The following GRIK4 variants were observed in gnomAD, a reference collection of about 807,000 sequenced individuals.
GRIK4 encodes glutamate ionotropic receptor kainate type subunit 4.
A neutral mutation model predicts 104.9 loss-of-function variants in GRIK4; 40 were observed. The ratio of observed to expected loss-of-function variants is 0.38; its 90% CI spans 0.30 to 0.50. The LOEUF is 0.50. Among genes scored for constraint, GRIK4 ranks in the 20% least tolerant of loss-of-function variants. The pLI is 0.93. For synonymous variants in GRIK4, 485 were observed against 524.9 expected, an observed-to-expected ratio of 0.92 and a Z score of 1.04; for missense variants, 1,047 against 1,308.1, an observed-to-expected ratio of 0.80 and a Z score of 3.08.
At chr11:120,834,766 G>A (rs1465901745) in intron 7 of GRIK4, among the ~76,000 whole-genome samples, 2 of 152,200 alleles carry the variant, frequency 1.3e-5, no homozygotes, top group East Asian at 1.9e-4. Flanking sequence ...TTCCAGCAAC[G>A]AACTCCATGT....
intron 11 of GRIK4, among the ~76,000 whole-genome samples, chr11:120,878,633 C>T (rs1424389888): frequency 7.8e-6 from 1 of 128,396 alleles, no homozygotes; most frequent in Non-Finnish European, 1.6e-5. Context: ...CTTTTTTCAA[C>T]AAATCTAGTG....
chr11:120,673,717 C>T (rs563040350), intron 3 of GRIK4, among the ~76,000 whole-genome samples: 12 of 152,312 alleles, frequency 7.9e-5, no homozygotes, highest in Admixed American at 5.2e-4. Context: ...ACCTTTTTGT[C>T]TCAGTCTTGC....
At chr11:120,754,486 A>G (rs574659642) in intron 3 of GRIK4, among the ~76,000 whole-genome samples, 1 of 152,256 alleles carries the variant, frequency 6.6e-6, no homozygotes, top group African/African-American at 2.4e-5. Flanking sequence ...TTATTTGTTA[A>G]TCAGTTCATA....
intron 2 of GRIK4, among the ~76,000 whole-genome samples, chr11:120,657,037 G>A (rs1323740332): frequency 6.6e-6 from 1 of 152,168 alleles, no homozygotes; most frequent in Non-Finnish European, 1.5e-5. Flanking sequence ...AGGCATAAAT[G>A]GAAGGCATTT....
chr11:120,585,277 T>G (rs969027802), intron 1 of GRIK4, among the ~76,000 whole-genome samples: 9 of 152,322 alleles, frequency 5.9e-5, no homozygotes, highest in African/African-American at 2.2e-4. Flanking sequence ...GGTACACACA[T>G]ATCTCTTTGA....
At chr11:120,566,706 GTTT>G (rs538654745) in intron 1 of GRIK4, among the ~76,000 whole-genome samples, 1 of 136,294 alleles carries the variant, frequency 7.3e-6, no homozygotes, top group Admixed American at 7.4e-5. Flanking sequence ...TATACCCTCA[GTTT>G]TTTTTTTTTT....
intron 3 of GRIK4, among the ~76,000 whole-genome samples, chr11:120,731,259 GT>G (rs1304589343): frequency 8.5e-4 from 122 of 142,926 alleles, no homozygotes; most frequent in Middle Eastern, 3.6e-3. Context: ...TTTTTTTTTA[GT>G]TTTTTTTTTT....
chr11:120,644,730 G>A (rs1177948332), intron 1 of GRIK4, among the ~76,000 whole-genome samples: 1 of 152,168 alleles, frequency 6.6e-6, no homozygotes, highest in African/African-American at 2.4e-5. Context: ...CGAAGGGGTT[G>A]CCCTTCCTTG....
chr11:120,911,855 A>G (rs1050919061), intron 13 of GRIK4, among the ~76,000 whole-genome samples: 1 of 151,258 alleles, frequency 6.6e-6, no homozygotes, highest in Non-Finnish European at 1.5e-5. Context: ...AAAAAAAAAA[A>G]AAAGAAAAGA....
chr11:120,753,793 T>G (rs1740914314), intron 3 of GRIK4, among the ~76,000 whole-genome samples: 1 of 152,206 alleles, frequency 6.6e-6, no homozygotes, highest in African/African-American at 2.4e-5. Context: ...ACAGCTGTGC[T>G]GAGATGAATT....
At chr11:120,936,956 C>T (rs1943610275) in intron 13 of GRIK4, among the ~76,000 whole-genome samples, 1 of 152,096 alleles carries the variant, frequency 6.6e-6, no homozygotes, top group Non-Finnish European at 1.5e-5. Context: ...GGTGGAATCA[C>T]AGTCCCAGCC....
At chr11:120,881,373 G>A (rs551617590) in intron 11 of GRIK4, among the ~76,000 whole-genome samples, 1 of 152,230 alleles carries the variant, frequency 6.6e-6, no homozygotes, top group African/African-American at 2.4e-5. Flanking sequence ...TTAGACCTGA[G>A]CCACACTTTC....
At chr11:120,737,452 G>A (rs2135401961) in intron 3 of GRIK4, among the ~76,000 whole-genome samples, 1 of 152,310 alleles carries the variant, frequency 6.6e-6, no homozygotes, top group African/African-American at 2.4e-5. Context: ...GCCTGATCAA[G>A]CCTCAGAATC....
At chr11:120,899,371 A>T (rs1942670797) in intron 12 of GRIK4, among the ~76,000 whole-genome samples, 1 of 147,462 alleles carries the variant, frequency 6.8e-6, no homozygotes, top group Non-Finnish European at 1.5e-5. Flanking sequence ...CAGTGAGCCG[A>T]GATCGTGCCA....
In GRIK4 at chr11:120,862,130, C is replaced by T. The variant is rs757718668; in HGVS notation, c.906+10C>T. ...CTTCACTGGGCCTGCGGTAAGTACCCGCCAGAGCTCTTCCTGGTGCCCCTT... is the reference window on the plus strand; with the variant it reads ...CTTCACTGGGCCTGCGGTAAGTACCTGCCAGAGCTCTTCCTGGTGCCCCTT... On this transcript the variant is annotated intron_variant, in intron 9 of 20. Coordinates refer to ENST00000527524, the MANE Select transcript of GRIK4 (RefSeq NM_014619.5). 5.6e-6 allele frequency: 9 copies of T among 1,611,244 alleles called. No homozygotes were observed. Among genetic ancestry groups the T allele is most frequent in the African/African-American group, 2.7e-5 (2 of 74,896 alleles).
chr11:120,534,682 G>T (rs1444330328), intron 1 of GRIK4, among the ~76,000 whole-genome samples: 3 of 152,200 alleles, frequency 2.0e-5, no homozygotes, highest in Non-Finnish European at 4.4e-5. Context: ...CCACTGGGAG[G>T]TCATTGGTGC....
In GRIK4 at chr11:120,557,972, T is replaced by C. The variant is rs541750063; in HGVS notation, c.-159+46085T>C. Among the ~76,000 whole-genome samples the C allele has an allele frequency of 5.9e-3, 796 of 134,620 alleles. 5 individuals are homozygous for C. The highest frequency in any genetic ancestry group is 7.9e-3 in the Admixed American group (88 of 11,196). The allele number at this position is 134,620 out of a possible 152,430, so 88.3% of individuals were successfully genotyped here. On this transcript the variant is annotated intron_variant, in intron 1 of 20. Coordinates refer to ENST00000527524, the MANE Select transcript of GRIK4 (RefSeq NM_014619.5). Reference sequence around the variant, plus strand: ...GGCGGAGCTTGCAGTGAGCCGAGATTGGGCCACTGCAGTCCAGCCTGGGCG... The same window carrying C: ...GGCGGAGCTTGCAGTGAGCCGAGATCGGGCCACTGCAGTCCAGCCTGGGCG...
intron 1 of GRIK4, among the ~76,000 whole-genome samples, chr11:120,522,563 C>T (rs542371995): frequency 6.6e-6 from 1 of 152,170 alleles, no homozygotes; most frequent in South Asian, 2.1e-4. Context: ...TCAGGTGATC[C>T]GCCCGCCTTG....
chr11:120,930,638 G>T (rs1458085961), intron 13 of GRIK4, among the ~76,000 whole-genome samples: 4 of 152,246 alleles, frequency 2.6e-5, no homozygotes, highest in Admixed American at 1.3e-4. Context: ...ACAGACAAGG[G>T]AGGGCTTATG....
Sources: gnomAD v4.1 joint callset for allele counts (sites outside exome capture counted in the v4.1 genomes callset) on GRCh38, gnomAD v4.1.1 for gene constraint, MANE v1.5 for transcripts, NCBI Gene and HGNC (gene_info 2026-07-23, HGNC 2026-07-21) for gene names.